CACNA2D3: variants seen among roughly 807,000 people sequenced by gnomAD.
CACNA2D3 encodes voltage-dependent calcium channel subunit alpha-2/delta-3.
Under a neutral mutation model 160.6 loss-of-function variants are expected in CACNA2D3, and 60 were observed. The observed-to-expected ratio is 0.37, with a 90% CI of 0.30 to 0.46. The LOEUF (loss-of-function observed/expected upper bound fraction) is 0.46, where lower values mean the gene tolerates loss of function less well. CACNA2D3 is among the 20% of genes least tolerant of loss of function. The pLI is 1.00. For synonymous variants in CACNA2D3, 558 were observed against 492.9 expected (o/e 1.13, Z -1.75); for missense variants, 1,205 against 1,365.0 (o/e 0.88, Z 1.85).
chr3:54,406,221 C>T (rs1157957202), intron 4 of CACNA2D3, among the ~76,000 whole-genome samples: 1 of 152,006 alleles, frequency 6.6e-6, no homozygotes, highest in Non-Finnish European at 1.5e-5. Flanking sequence ...ATGAAATCAC[C>T]ACCTCAGAAA....
intron 2 of CACNA2D3, among the ~76,000 whole-genome samples, chr3:54,291,023 G>A (rs963842039): frequency 7.9e-5 from 12 of 152,138 alleles, no homozygotes; most frequent in South Asian, 4.2e-4. Context: ...AACCCTGCAC[G>A]TTGTGCACAT....
intron 3 of CACNA2D3, among the ~76,000 whole-genome samples, chr3:54,358,470 G>A (rs1023294456): frequency 6.6e-6 from 1 of 152,200 alleles, no homozygotes; most frequent in Non-Finnish European, 1.5e-5. Context: ...CAGGCCACTC[G>A]ACGTCTCCAT....
intron 2 of CACNA2D3, among the ~76,000 whole-genome samples, chr3:54,316,096 CACGTGTGTGTGA>C (rs1292666036): frequency 6.6e-6 from 1 of 150,938 alleles, no homozygotes; most frequent in Admixed American, 6.6e-5. Flanking sequence ...TGTGTGTGTG[CACGTGTGTGTGA>C]GATTAGTGAT....
At chr3:54,678,581 C>A (rs1700282941) in intron 11 of CACNA2D3, among the ~76,000 whole-genome samples, 1 of 151,646 alleles carries the variant, frequency 6.6e-6, no homozygotes, top group Non-Finnish European at 1.5e-5. Flanking sequence ...ATTAGCCGGG[C>A]ATGGTGGTGC....
intron 13 of CACNA2D3, among the ~76,000 whole-genome samples, chr3:54,794,803 T>C (rs982034003): frequency 6.6e-6 from 1 of 152,142 alleles, no homozygotes; most frequent in Non-Finnish European, 1.5e-5. Flanking sequence ...CCTATGTGCC[T>C]TTATTTTATT....
At chr3:54,677,631 C>T (rs1432782637) in intron 11 of CACNA2D3, among the ~76,000 whole-genome samples, 1 of 139,282 alleles carries the variant, frequency 7.2e-6, no homozygotes, top group Non-Finnish European at 1.5e-5. Context: ...GGGGGGGGGG[C>T]AACGTACTTA....
At chr3:54,173,278 T>A (rs1700610179) in intron 2 of CACNA2D3, among the ~76,000 whole-genome samples, 1 of 152,244 alleles carries the variant, frequency 6.6e-6, no homozygotes, top group African/African-American at 2.4e-5. Flanking sequence ...TCCTCCCCTC[T>A]TTGTCCCTTG....
At chr3:54,500,170 T>C (rs1701265800) in intron 4 of CACNA2D3, among the ~76,000 whole-genome samples, 1 of 152,206 alleles carries the variant, frequency 6.6e-6, no homozygotes, top group Admixed American at 6.5e-5. Context: ...CTTGATAATT[T>C]TCCCTGCTCT....
intron 9 of CACNA2D3, among the ~76,000 whole-genome samples, chr3:54,603,083 A>G (rs1217171291): frequency 1.3e-5 from 2 of 152,232 alleles, no homozygotes; most frequent in Admixed American, 1.3e-4. Context: ...GAAAGAAGAA[A>G]TAACCGGAGA....
intron 2 of CACNA2D3, among the ~76,000 whole-genome samples, chr3:54,276,588 A>G (rs58051967): frequency 0.066 from 8,361 of 127,542 alleles, 894 homozygotes; most frequent in African/African-American, 0.22. Context: ...AAAAAAAAAA[A>G]AAGAAGAAGA....
chr3:54,549,776 G>T (rs1051670884), intron 5 of CACNA2D3, among the ~76,000 whole-genome samples: 3 of 152,176 alleles, frequency 2.0e-5, no homozygotes, highest in African/African-American at 7.2e-5. Flanking sequence ...CCCTGTCAGG[G>T]TACCTGCTAG....
chr3:54,411,519 T>C (rs1265870013), intron 4 of CACNA2D3, among the ~76,000 whole-genome samples: 1 of 152,214 alleles, frequency 6.6e-6, no homozygotes, highest in Non-Finnish European at 1.5e-5. Flanking sequence ...AAGGCTCAGA[T>C]GATCATTAGC....
At chr3:54,973,691 A>G (rs3821656) in intron 29 of CACNA2D3, among the ~76,000 whole-genome samples, 17,901 of 152,172 alleles carry the variant, frequency 0.12, 1,394 homozygotes, top group African/African-American at 0.22. Flanking sequence ...GACGATTTGA[A>G]TAGCAAAGGA....
intron 2 of CACNA2D3, among the ~76,000 whole-genome samples, chr3:54,199,489 C>T (rs572674853): frequency 2.7e-4 from 41 of 152,156 alleles, no homozygotes; most frequent in African/African-American, 9.9e-4. Context: ...CCTGAGTAGC[C>T]GAGACCACAG....
intron 17 of CACNA2D3, among the ~76,000 whole-genome samples, chr3:54,849,059 C>T (rs879652688): frequency 1.3e-5 from 2 of 152,106 alleles, no homozygotes; most frequent in Admixed American, 6.5e-5. Flanking sequence ...TTTGATTATT[C>T]AGGTGATTCA....
chr3:54,369,431 A>G (rs1209738895), intron 3 of CACNA2D3, among the ~76,000 whole-genome samples: 3 of 152,118 alleles, frequency 2.0e-5, no homozygotes, highest in Non-Finnish European at 4.4e-5. Flanking sequence ...GGCCTGAGGA[A>G]CCGGACAAGT....
intron 13 of CACNA2D3, among the ~76,000 whole-genome samples, chr3:54,796,054 C>T (rs1702859944): frequency 6.6e-6 from 1 of 152,158 alleles, no homozygotes; most frequent in Admixed American, 6.5e-5. Context: ...CCAAAATAAG[C>T]CTGAAGTGGT....
chr3:55,020,120 C>CA (rs573377865), intron 35 of CACNA2D3, among the ~76,000 whole-genome samples: 1 of 151,466 alleles, frequency 6.6e-6, no homozygotes, highest in African/African-American at 2.4e-5. Context: ...ACATCCATTA[C>CA]AAAAAAATTT....
intron 29 of CACNA2D3, among the ~76,000 whole-genome samples, chr3:54,978,427 G>A (rs1702436690): frequency 6.6e-6 from 1 of 152,202 alleles, no homozygotes; most frequent in South Asian, 2.1e-4. Flanking sequence ...ATTCAGGGTA[G>A]ATAGAGAGGA....
Sources: gnomAD v4.1 joint callset for allele counts (sites outside exome capture counted in the v4.1 genomes callset) on GRCh38, gnomAD v4.1.1 for gene constraint, MANE v1.5 for transcripts, NCBI Gene and HGNC (gene_info 2026-07-23, HGNC 2026-07-21) for gene names.